Variants in IL1RAPL2 observed in about 807,000 individuals in gnomAD.
The protein encoded by IL1RAPL2 is X-linked interleukin-1 receptor accessory protein-like 2.
Under a neutral mutation model 44.1 loss-of-function variants are expected in IL1RAPL2, and 3 were observed. That is an observed-to-expected ratio of 0.07 (90% CI 0.03 to 0.18). The LOEUF is 0.18. IL1RAPL2 is among the 10% of genes least tolerant of loss of function. The pLI is 1.00. For synonymous variants in IL1RAPL2, 181 were observed against 178.8 expected (o/e 1.01, Z -0.10); for missense variants, 391 against 496.4 (o/e 0.79, Z 2.02).
chrX:105,417,893 T>G (rs1394209538), intron 5 of IL1RAPL2, among the ~76,000 whole-genome samples: 2 of 111,828 alleles, frequency 1.8e-5, no homozygotes, highest in Non-Finnish European at 3.8e-5. Flanking sequence ...CTTTCATAAT[T>G]TCTTCTGCTG....
chrX:105,366,185 G>A (rs2035293331), intron 5 of IL1RAPL2, among the ~76,000 whole-genome samples: 2 of 111,050 alleles, frequency 1.8e-5, no homozygotes, highest in Non-Finnish European at 3.8e-5. Context: ...AACCTCAAGT[G>A]ATCTGCCCAC....
In IL1RAPL2 at chrX:104,678,218, G is replaced by T. The variant is rs889510827; in HGVS notation, c.82+19223G>T. Among the ~76,000 whole-genome samples the T allele has an allele frequency of 3.6e-5, 4 of 112,501 alleles. No individual in the cohort carries two copies. The Admixed American group carries it at 3.7e-4, about 11-fold the overall frequency. ...AATGCTGTGTAAATGAACAGCCAAA[G>T]TACCTTCCTGCAATCTAGACCGTGG... is the stretch of plus-strand genomic sequence containing the variant. On this transcript the variant is annotated intron_variant, in intron 2 of 10. Coordinates refer to ENST00000372582, the MANE Select transcript of IL1RAPL2 (RefSeq NM_017416.2).
chrX:105,762,212 C>G (rs139760647), intron 10 of IL1RAPL2, among the ~76,000 whole-genome samples: 264 of 111,794 alleles, frequency 2.4e-3, no homozygotes, highest in African/African-American at 8.2e-3. Context: ...TCTATTTCTC[C>G]TCTAAATGCA....
chrX:105,663,618 C>T (rs2037736137), intron 6 of IL1RAPL2, among the ~76,000 whole-genome samples: 1 of 111,617 alleles, frequency 9.0e-6, no homozygotes, highest in African/African-American at 3.3e-5. Flanking sequence ...AAAAAGTGAC[C>T]TCTGGTGTTA....
chrX:104,616,923 G>A (rs907120451), intron 1 of IL1RAPL2, among the ~76,000 whole-genome samples: 4 of 111,757 alleles, frequency 3.6e-5, no homozygotes, highest in African/African-American at 6.5e-5. Flanking sequence ...ATGTCTAGTC[G>A]GTGGGAAAGG....
At chrX:105,069,545 T>C (rs2032180693) in intron 2 of IL1RAPL2, among the ~76,000 whole-genome samples, 2 of 112,339 alleles carry the variant, frequency 1.8e-5, no homozygotes, top group South Asian at 7.3e-4. Context: ...GAGCAAGGGC[T>C]GGGAATTCTA....
intron 2 of IL1RAPL2, among the ~76,000 whole-genome samples, chrX:104,990,038 A>G (rs1256290900): frequency 9.0e-6 from 1 of 111,412 alleles, no homozygotes; most frequent in Non-Finnish European, 1.9e-5. Context: ...GAACAATTTG[A>G]CTCTTGACTA....
intron 2 of IL1RAPL2, among the ~76,000 whole-genome samples, chrX:105,072,851 T>A (rs2032226992): frequency 9.2e-6 from 1 of 108,128 alleles, no homozygotes; most frequent in Admixed American, 9.9e-5. Context: ...CATGGAACAA[T>A]GAATCCATGT....
chrX:104,760,864 T>A (rs747258007), intron 2 of IL1RAPL2, among the ~76,000 whole-genome samples: 5 of 111,661 alleles, frequency 4.5e-5, no homozygotes, highest in Non-Finnish European at 9.4e-5. Flanking sequence ...CATACCAATG[T>A]CCTGGAGAGT....
intron 6 of IL1RAPL2, among the ~76,000 whole-genome samples, chrX:105,710,643 G>T (rs6621996): frequency 9.1e-6 from 1 of 109,515 alleles, no homozygotes; most frequent in Admixed American, 9.8e-5. Context: ...TTTTTTAGTA[G>T]ATTAAACACT....
At chrX:105,631,131 T>G (rs1449495580) in intron 6 of IL1RAPL2, among the ~76,000 whole-genome samples, 1 of 111,186 alleles carries the variant, frequency 9.0e-6, no homozygotes, top group East Asian at 2.8e-4. Context: ...ATAGCCCTTT[T>G]GCACATAAAT....
intron 2 of IL1RAPL2, among the ~76,000 whole-genome samples, chrX:104,844,725 G>A (rs966405295): frequency 4.3e-4 from 48 of 112,146 alleles, no homozygotes; most frequent in African/African-American, 1.2e-3. Flanking sequence ...TCCACGGGTC[G>A]CAAGTTGGAC....
chrX:105,717,585 T>C, intron 7 of IL1RAPL2, 89 bp downstream of exon 7: 1 of 902,450 alleles, frequency 1.1e-6, no homozygotes, highest in Non-Finnish European at 1.5e-6. Context: ...TTCCATTCTC[T>C]AAAAGCTGAT....
intron 5 of IL1RAPL2, among the ~76,000 whole-genome samples, chrX:105,442,658 C>T (rs1255757067): frequency 8.9e-6 from 1 of 112,255 alleles, no homozygotes; most frequent in Middle Eastern, 4.2e-3. Context: ...CTATTATTTA[C>T]ACCCGAATCT....
chrX:105,496,818 A>G (rs1166197828), intron 6 of IL1RAPL2, among the ~76,000 whole-genome samples: 1 of 111,869 alleles, frequency 8.9e-6, no homozygotes, highest in Non-Finnish European at 1.9e-5. Flanking sequence ...TGTAAAATTT[A>G]TAGCAGGGAT....
chrX:105,308,838 C>CA (rs2034772519), intron 5 of IL1RAPL2, among the ~76,000 whole-genome samples: 1 of 111,175 alleles, frequency 9.0e-6, no homozygotes, highest in African/African-American at 3.3e-5. Flanking sequence ...AAAGTAGGTG[C>CA]ATGTGTAACT....
intron 5 of IL1RAPL2, among the ~76,000 whole-genome samples, chrX:105,345,588 G>A (rs1298641676): frequency 9.1e-6 from 1 of 110,277 alleles, no homozygotes; most frequent in African/African-American, 3.3e-5. Flanking sequence ...AGACTCAATA[G>A]CCTATGTAAA....
At chrX:105,538,261 C>A (rs763391013) in intron 6 of IL1RAPL2, among the ~76,000 whole-genome samples, 1 of 109,610 alleles carries the variant, frequency 9.1e-6, no homozygotes, top group African/African-American at 3.3e-5. Flanking sequence ...TGATCTCGAT[C>A]TCCTGACCTC....
At chrX:104,800,025 T>C (rs1461060373) in intron 2 of IL1RAPL2, among the ~76,000 whole-genome samples, 4 of 31,391 alleles carry the variant, frequency 1.3e-4, no homozygotes, top group Non-Finnish European at 1.7e-4. Flanking sequence ...TCCAATTAAT[T>C]CCCCCAATGG....
Sources: gnomAD v4.1 joint callset for allele counts (sites outside exome capture counted in the v4.1 genomes callset) on GRCh38, gnomAD v4.1.1 for gene constraint, MANE v1.5 for transcripts, NCBI Gene and HGNC (gene_info 2026-07-23, HGNC 2026-07-21) for gene names.